The following EBF1 variants were observed in gnomAD, a reference collection of about 807,000 sequenced individuals.
The protein encoded by EBF1 is transcription factor COE1.
EBF1 carries 10 observed loss-of-function variants against 68.4 expected under a neutral mutation model. The observed-to-expected ratio is 0.15, with a 90% CI of 0.09 to 0.25. The LOEUF (loss-of-function observed/expected upper bound fraction) is 0.25, where lower values mean the gene tolerates loss of function less well. EBF1 is among the 10% of genes least tolerant of loss of function. The probability of loss-of-function intolerance (pLI) is 1.00; values close to 1 mark genes in which losing one functional copy is unlikely to be tolerated. For synonymous variants in EBF1, 298 were observed against 299.8 expected (o/e 0.99, Z 0.06); for missense variants, 509 against 794.4 (o/e 0.64, Z 4.32).
chr5:158,846,230 G>T (rs905624595), intron 6 of EBF1, among the ~76,000 whole-genome samples: 3 of 152,160 alleles, frequency 2.0e-5, no homozygotes, highest in African/African-American at 7.2e-5. Context: ...TGAAGTTCAA[G>T]CTGCTCCCAC....
At chr5:158,994,165 C>T (rs1760942939) in intron 6 of EBF1, among the ~76,000 whole-genome samples, 1 of 152,226 alleles carries the variant, frequency 6.6e-6, no homozygotes, top group African/African-American at 2.4e-5. Flanking sequence ...ACATGAGCTA[C>T]ATCTCTATCC....
intron 9 of EBF1, among the ~76,000 whole-genome samples, chr5:158,783,312 G>A (rs1581844448): frequency 6.6e-6 from 1 of 152,106 alleles, no homozygotes; most frequent in South Asian, 2.1e-4. Context: ...GGGGCAATAT[G>A]TATTACATGT....
In EBF1 at chr5:158,879,343, G is replaced by A. The variant is rs547224733; in HGVS notation, c.555-39233C>T. ...CATACGCTCAAGGAAGAGAGTACAT[G>A]CGTCAAGATGGGTTTGGCAAAGAGG... On this transcript the variant is annotated intron_variant, in intron 6 of 15. Transcript: ENST00000313708. 2.6e-4 allele frequency among the ~76,000 whole-genome samples: 40 copies of A among 152,302 alleles called. No homozygotes were observed. The South Asian group carries it at 7.7e-3, about 29-fold the overall frequency.
At chr5:159,098,914 A>G (rs963480613) in intron 1 of EBF1, among the ~76,000 whole-genome samples, 2 of 151,746 alleles carry the variant, frequency 1.3e-5, no homozygotes, top group Non-Finnish European at 2.9e-5. Flanking sequence ...AAGAAAGAAA[A>G]AGGAAGGAAG....
At chr5:158,787,735 G>T (rs542726413) in intron 9 of EBF1, among the ~76,000 whole-genome samples, 2 of 152,268 alleles carry the variant, frequency 1.3e-5, no homozygotes, top group East Asian at 3.9e-4. Context: ...TTATCTGATA[G>T]TTTATTACAA....
At chr5:158,983,037 C>T (rs1561702388) in intron 6 of EBF1, 1 of 152,214 alleles carries the variant, frequency 6.6e-6, no homozygotes, top group Non-Finnish European at 1.5e-5. Flanking sequence ...GGATATCCAT[C>T]TTGGGGGCTC....
At chr5:158,972,993 G>A (rs1434443283) in intron 6 of EBF1, among the ~76,000 whole-genome samples, 1 of 152,190 alleles carries the variant, frequency 6.6e-6, no homozygotes, top group Non-Finnish European at 1.5e-5. Flanking sequence ...TCTAGTTACT[G>A]TATTTAAAAT....
At chr5:158,751,625 A>C (rs1384551214) in intron 10 of EBF1, among the ~76,000 whole-genome samples, 1 of 152,110 alleles carries the variant, frequency 6.6e-6, no homozygotes, top group Non-Finnish European at 1.5e-5. Flanking sequence ...CAAATGCTTA[A>C]TCTATGTCTC....
intron 10 of EBF1, among the ~76,000 whole-genome samples, chr5:158,756,100 G>A (rs1345301779): frequency 2.6e-5 from 4 of 152,108 alleles, no homozygotes; most frequent in African/African-American, 9.7e-5. Flanking sequence ...TGCTGAATGT[G>A]TTGGGCTGTT....
chr5:158,981,052 G>A (rs933796964), intron 6 of EBF1, among the ~76,000 whole-genome samples: 4 of 151,944 alleles, frequency 2.6e-5, no homozygotes, highest in African/African-American at 9.7e-5. Flanking sequence ...GGGATAAGAG[G>A]AACCAGCAAA....
chr5:158,964,757 C>T (rs891647600), intron 6 of EBF1, among the ~76,000 whole-genome samples: 5 of 152,156 alleles, frequency 3.3e-5, no homozygotes, highest in Non-Finnish European at 7.3e-5. Context: ...CCACGTATAA[C>T]CAAGTGCTCT....
chr5:158,925,310 AG>A (rs1185319504), intron 6 of EBF1, among the ~76,000 whole-genome samples: 3 of 152,226 alleles, frequency 2.0e-5, no homozygotes, highest in Non-Finnish European at 4.4e-5. Flanking sequence ...CTATCAGAAT[AG>A]GGGCCTTGTC....
At chr5:158,714,312 AC>A in intron 11 of EBF1, 130 bp from the exon 12 acceptor site, 1 of 971,300 alleles carries the variant, frequency 1.0e-6, no homozygotes. Context: ...AGCTTGGGGA[AC>A]CCCAGAAGGG....
chr5:159,059,246 T>C (rs770062699), intron 6 of EBF1, among the ~76,000 whole-genome samples: 4 of 152,176 alleles, frequency 2.6e-5, no homozygotes, highest in Non-Finnish European at 5.9e-5. Flanking sequence ...AAATTCATTA[T>C]ACCAAACTTC....
intron 8 of EBF1, among the ~76,000 whole-genome samples, chr5:158,822,113 T>C (rs1382030230): frequency 1.3e-5 from 2 of 152,076 alleles, no homozygotes; most frequent in Non-Finnish European, 2.9e-5. Flanking sequence ...ATCATTTGTG[T>C]GGTAGTGTTC....
intron 8 of EBF1, among the ~76,000 whole-genome samples, chr5:158,800,045 A>C (rs1179925217): frequency 6.6e-6 from 1 of 152,122 alleles, no homozygotes; most frequent in Non-Finnish European, 1.5e-5. Context: ...AGGTACCCAA[A>C]TGTTCATTGC....
rs1778447580 is a variant in EBF1, at chr5:159,074,836, C to T, written c.486-1372G>A. On this transcript the variant is annotated intron_variant, in intron 5 of 15. Transcript: ENST00000313708. ...CTTTCACCTTCTGATTCAGAGGGAA[C>T]TATTTCCTCCAGGCCTGAGTTCTGC... Among the ~76,000 whole-genome samples, 3 of 152,178 alleles carry T rather than the reference C, an allele frequency of 2.0e-5. 1 individual carries two copies. In the South Asian group the frequency reaches 6.2e-4, roughly 31 times the overall value.
chr5:158,909,629 G>T (rs1805456984), intron 6 of EBF1, among the ~76,000 whole-genome samples: 1 of 152,196 alleles, frequency 6.6e-6, no homozygotes, highest in Non-Finnish European at 1.5e-5. Context: ...AGTTCTTACA[G>T]TTACAGATCA....
chr5:158,863,920 A>G (rs918475900), intron 6 of EBF1, among the ~76,000 whole-genome samples: 1 of 152,186 alleles, frequency 6.6e-6, no homozygotes, highest in Admixed American at 6.6e-5. Context: ...TCACAGAGTT[A>G]CTGAGGGGGT....
Sources: allele counts gnomAD v4.1 joint callset (sites outside exome capture counted in the v4.1 genomes callset), GRCh38; gene constraint gnomAD v4.1.1; transcripts MANE v1.5; gene names NCBI Gene and HGNC (gene_info 2026-07-23, HGNC 2026-07-21).